NXPH4: variants seen among roughly 807,000 people sequenced by gnomAD.
The protein encoded by NXPH4 is neurexophilin 4, also known as neurexophilin-4.
A neutral mutation model predicts 21.3 loss-of-function variants in NXPH4; 8 were observed. That is an observed-to-expected ratio of 0.38 (90% confidence interval 0.22 to 0.68). NXPH4 has a LOEUF of 0.68. Among genes scored for constraint, NXPH4 ranks in the 30% least tolerant of loss-of-function variants. NXPH4 has a pLI of 0.53. For missense variants in NXPH4, 418 were observed against 416.8 expected, an observed-to-expected ratio of 1.00 and a Z score of -0.03; for synonymous variants, 219 against 192.6, an observed-to-expected ratio of 1.14 and a Z score of -1.13.
intron 1 of NXPH4, among the ~76,000 whole-genome samples, chr12:57,224,259 G>A (rs73344674): frequency 0.019 from 2,872 of 152,126 alleles, 53 homozygotes; most frequent in African/African-American, 0.049. Flanking sequence ...CCCAATAGCT[G>A]GGACTACAGG....
rs759237335 is a variant in NXPH4 at position 57,225,569 on chromosome 12, T to G, written c.749T>G (p.Leu250Arg). The change falls in exon 2 of 2, where the codon CTG becomes CGG. Residue 250 changes from leucine to arginine, a missense_variant. Leu to Arg is a moderately radical substitution (Grantham distance 102). Transcript: ENST00000349394. ...CGCGCGCGCAAGCACCGACCGTGCCTGTACGACCCGTCGCAGGTGTGCTTC... is the reference window on the plus strand; with the variant it reads ...CGCGCGCGCAAGCACCGACCGTGCCGGTACGACCCGTCGCAGGTGTGCTTC... Reference protein sequence around the residue: ...TNRARKHRPCLYDPSQVCFTE... With the variant: ...TNRARKHRPCRYDPSQVCFTE... 2.5e-6 allele frequency: 4 copies of G among 1,613,406 alleles called. No individual in the cohort carries two copies. In the South Asian group the frequency reaches 4.4e-5, roughly 18 times the overall value.
At position 57,221,684 on chromosome 12, in the gene NXPH4, C is replaced by T. The variant is rs1367540397; in HGVS notation, c.58-3194C>T. On this transcript the variant is annotated intron_variant, in intron 1 of 1. Transcript: ENST00000349394. Reference sequence around the variant, plus strand: ...CCCCCGCGCCGACAGCAGCGCTAGCCTCTCCCCTCCGCAAATGTCACCGCG... The same window carrying T: ...CCCCCGCGCCGACAGCAGCGCTAGCTTCTCCCCTCCGCAAATGTCACCGCG... The T allele has an allele frequency of 1.4e-5, 4 of 283,770 alleles. No individual in the cohort carries two copies. The East Asian group carries it at 3.7e-4, about 26-fold the overall frequency. The allele number at this position is 283,770 out of a possible 1,614,324, so 17.6% of individuals were successfully genotyped here. A position where few individuals can be genotyped will look rare whatever the true frequency, so the allele number is the denominator to read the frequency against.
Position 57,225,625 on chromosome 12 carries a change from C to T in NXPH4, c.805C>T (p.Leu269Phe). ...TEHTQSQAAW[L>F]CAKPFKVICI... Reference sequence around the variant, plus strand: ...GCACACGCAGAGCCAGGCCGCCTGGCTCTGTGCCAAGCCCTTCAAAGTCAT... The same window carrying T: ...GCACACGCAGAGCCAGGCCGCCTGGTTCTGTGCCAAGCCCTTCAAAGTCAT... The change falls in exon 2 of 2, where the codon CTC (leucine) becomes TTC (phenylalanine). Residue 269 changes from leucine (L) to phenylalanine (F), a missense_variant. Leu to Phe is a conservative substitution (Grantham distance 22, BLOSUM62 0). Coordinates refer to ENST00000349394, the MANE Select transcript of NXPH4 (RefSeq NM_007224.4). The T allele has an allele frequency of 6.2e-7, 1 of 1,613,752 alleles. No homozygotes were observed. Among genetic ancestry groups the T allele is most frequent in the Non-Finnish European group, 8.5e-7 (1 of 1,180,006 alleles).
In NXPH4 at chr12:57,225,706, C is replaced by G; in HGVS notation, c.886C>G (p.Pro296Ala). 6.2e-7 allele frequency: 1 copy of G among 1,613,828 alleles called. No homozygotes were observed. Among genetic ancestry groups the G allele is most frequent in the East Asian group, 2.2e-5 (1 of 44,878 alleles). ...FDYKLVQKVC[P>A]DYNFQSEHPY... is the part of the protein sequence containing the mutation. Reference sequence around the variant, plus strand: ...CTACAAACTGGTGCAGAAGGTGTGCCCAGACTATAACTTCCAGAGTGAGCA... The same window carrying G: ...CTACAAACTGGTGCAGAAGGTGTGCGCAGACTATAACTTCCAGAGTGAGCA... The change falls in exon 2 of 2, where the codon CCA (proline) becomes GCA (alanine). Residue 296 changes from proline (P) to alanine (A), a missense_variant. By Grantham distance (27) the Pro-to-Ala change is conservative (BLOSUM62 -1). Coordinates refer to ENST00000349394, the MANE Select transcript of NXPH4 (RefSeq NM_007224.4).
intron 1 of NXPH4, among the ~76,000 whole-genome samples, chr12:57,220,309 C>G (rs1315606345): frequency 6.6e-6 from 1 of 152,180 alleles, no homozygotes; most frequent in Non-Finnish European, 1.5e-5. Flanking sequence ...AATTACATCC[C>G]CGCTCCGCGG....
intron 1 of NXPH4, among the ~76,000 whole-genome samples, chr12:57,219,215 G>C (rs1031685758): frequency 6.6e-6 from 1 of 152,074 alleles, no homozygotes; most frequent in African/African-American, 2.4e-5. Context: ...CTCCCGTCCT[G>C]CTTGCTCACC....
chr12:57,224,470 C>T (rs73338153), intron 1 of NXPH4, among the ~76,000 whole-genome samples: 2,874 of 152,292 alleles, frequency 0.019, 52 homozygotes, highest in African/African-American at 0.049. Context: ...TCACAGCCTC[C>T]CTGGCTCAGT....
intron 1 of NXPH4, among the ~76,000 whole-genome samples, chr12:57,218,950 G>A (rs2037064384): frequency 2.0e-5 from 3 of 147,246 alleles, no homozygotes; most frequent in Admixed American, 1.4e-4. Context: ...GTCTGTATGA[G>A]TCTCTGGGGT....
intron 1 of NXPH4, among the ~76,000 whole-genome samples, chr12:57,222,411 C>A (rs2037101085): frequency 6.6e-6 from 1 of 152,010 alleles, no homozygotes; most frequent in South Asian, 2.1e-4. Flanking sequence ...GCCTGAATCA[C>A]CCCAGCCAGG....
chr12:57,226,191 C>T lies in NXPH4; in HGVS notation c.*444C>T, dbSNP rs2037146864. On this transcript the variant is annotated 3_prime_UTR_variant, in exon 2 of 2. Coordinates refer to ENST00000349394, the MANE Select transcript of NXPH4 (RefSeq NM_007224.4). ...CCTACCCCGCCTAAGACTGTAAAGG[C>T]CTAAAAACCTCGGCCTGTCCTCCCA... is the stretch of plus-strand genomic sequence containing the variant. 2.5e-6 allele frequency: 1 copy of T among 402,440 alleles called. No individual in the cohort carries two copies. Among genetic ancestry groups the T allele is most frequent in the Admixed American group, 4.1e-5 (1 of 24,276 alleles). 24.9% of individuals were successfully genotyped at this position (402,440 alleles called of 1,614,324 possible). A position where few individuals can be genotyped will look rare whatever the true frequency, so the allele number is the denominator to read the frequency against.
chr12:57,225,606 G>C lies in NXPH4; in HGVS notation c.786G>C (p.Thr262=). 6.2e-7 allele frequency: 1 copy of C among 1,613,486 alleles called. No homozygotes were observed. Among genetic ancestry groups the C allele is most frequent in the Non-Finnish European group, 8.5e-7 (1 of 1,180,010 alleles). ...DPSQVCFTEH[T]QSQAAWLCAK... ...CGCAGGTGTGCTTCACCGAGCACAC[G>C]CAGAGCCAGGCCGCCTGGCTCTGTG... is the stretch of plus-strand genomic sequence containing the variant. Residue 262 remains threonine (T), a synonymous_variant, in exon 2 of 2, where the codon ACG becomes ACC. Transcript: ENST00000349394.
At chr12:57,222,639 C>A in intron 1 of NXPH4, among the ~76,000 whole-genome samples, 2 of 152,180 alleles carry the variant, frequency 1.3e-5, no homozygotes, top group East Asian at 3.9e-4. Flanking sequence ...CCAATGCCCT[C>A]TCTCAGATTC....
chr12:57,222,746 G>T (rs2037103671), intron 1 of NXPH4, among the ~76,000 whole-genome samples: 1 of 152,146 alleles, frequency 6.6e-6, no homozygotes, highest in Non-Finnish European at 1.5e-5. Flanking sequence ...CCACCCTCCA[G>T]GTGTTAGCTG....
Position 57,216,862 on chromosome 12 carries a change from C to CGCA in NXPH4, c.-106_-105insAGC, listed in dbSNP as rs1290827715. On this transcript the variant is annotated 5_prime_UTR_variant, in exon 1 of 2. Coordinates refer to ENST00000349394, the MANE Select transcript of NXPH4 (RefSeq NM_007224.4). The surrounding 1 kb of genome is among the most constrained non-coding windows in gnomAD (Gnocchi z 5.3). ...CCGCTCCCGCCGCTCCCGCCGCTCCCGCCGCTCCCGCAGCCGCCCCGCCGC... is the reference window on the plus strand; with the variant it reads ...CCGCTCCCGCCGCTCCCGCCGCTCCCGCAGCCGCTCCCGCAGCCGCCCCGCCGC... 3 of 618,538 alleles carry CGCA rather than the reference C, an allele frequency of 4.9e-6. No homozygotes were observed. Among genetic ancestry groups the CGCA allele is most frequent in the South Asian group, 6.8e-5 (1 of 14,692 alleles). 38.3% of individuals were successfully genotyped at this position (618,538 alleles called of 1,614,324 possible). A position where few individuals can be genotyped will look rare whatever the true frequency, so the allele number is the denominator to read the frequency against.
chr12:57,217,499 A>C (rs1213219970), intron 1 of NXPH4, among the ~76,000 whole-genome samples: 1 of 152,124 alleles, frequency 6.6e-6, no homozygotes, highest in African/African-American at 2.4e-5. Flanking sequence ...CCATGGCCCG[A>C]GCACACACGC....
At position 57,224,365 on chromosome 12, in the gene NXPH4, GCCCACCTCA is replaced by G. The variant is rs2037121519; in HGVS notation, c.58-512_58-504del. Among the ~76,000 whole-genome samples the G allele has an allele frequency of 3.3e-5, 5 of 152,178 alleles. No individual in the cohort carries two copies. In the South Asian group the frequency reaches 1.0e-3, roughly 32 times the overall value. On this transcript the variant is annotated intron_variant, in intron 1 of 1. Coordinates refer to ENST00000349394, the MANE Select transcript of NXPH4 (RefSeq NM_007224.4). ...CTGAACTCCTGACCTCAGGCAATCT[GCCCACCTCA>G]GCCCCCCAAAGTGCTGGGATTACAG...
intron 1 of NXPH4, among the ~76,000 whole-genome samples, chr12:57,218,032 T>A (rs1212853801): frequency 6.6e-6 from 1 of 152,138 alleles, no homozygotes; most frequent in Non-Finnish European, 1.5e-5. Context: ...AGTCCCCCAT[T>A]TTCCTTCTAC....
chr12:57,217,409 T>G (rs566350107), intron 1 of NXPH4, among the ~76,000 whole-genome samples: 3 of 152,154 alleles, frequency 2.0e-5, no homozygotes, highest in Non-Finnish European at 4.4e-5. Flanking sequence ...CTGTCTGTCC[T>G]TCCACCCCTC....
chr12:57,218,976 T>G (rs1007870743), intron 1 of NXPH4, among the ~76,000 whole-genome samples: 1 of 102,890 alleles, frequency 9.7e-6, no homozygotes, highest in Non-Finnish European at 2.6e-5. Flanking sequence ...AGTGTGTTTC[T>G]GTGTGCTTGT....
Sources: gnomAD v4.1 joint callset for allele counts (sites outside exome capture counted in the v4.1 genomes callset) on GRCh38, gnomAD v4.1.1 for gene constraint, Gnocchi (gnomAD v3.1) non-coding constraint, MANE v1.5 for transcripts, NCBI Gene and HGNC (gene_info 2026-07-23, HGNC 2026-07-21) for gene names.